Variants in ANXA2 observed in about 807,000 individuals in gnomAD.
ANXA2 encodes annexin A2, also known as annexin II.
Under a neutral mutation model 47.3 loss-of-function variants are expected in ANXA2, and 28 were observed. That is an observed-to-expected ratio of 0.59 (90% confidence interval 0.44 to 0.81). The LOEUF (loss-of-function observed/expected upper bound fraction) is 0.81, where lower values mean the gene tolerates loss of function less well. ANXA2 is among the 40% of genes least tolerant of loss of function. ANXA2 has a pLI of 0.00. For synonymous variants in ANXA2, 172 were observed against 155.5 expected, an observed-to-expected ratio of 1.11 and a Z score of -0.79; for missense variants, 384 against 414.3, an observed-to-expected ratio of 0.93 and a Z score of 0.64.
At chr15:60,382,522 C>T (rs2062876854) in intron 2 of ANXA2, 81 bp from the exon 3 acceptor site, 1 of 1,022,042 alleles carries the variant, frequency 9.8e-7, no homozygotes, top group Non-Finnish European at 1.5e-6. Flanking sequence ...ATATGTTTTC[C>T]TATTGTTTCT....
chr15:60,362,634 T>G (rs1447411330), intron 4 of ANXA2: 1 of 152,246 alleles, frequency 6.6e-6, no homozygotes, highest in African/African-American at 2.4e-5. Context: ...CAAATTTTCT[T>G]CTTTATTTCA....
At chr15:60,354,773 C>T (rs2062402145) in intron 7 of ANXA2, among the ~76,000 whole-genome samples, 1 of 152,110 alleles carries the variant, frequency 6.6e-6, no homozygotes, top group Admixed American at 6.5e-5. Context: ...ACACACCTTA[C>T]AGAATCCCTG....
At position 60,352,728 on chromosome 15, in the gene ANXA2, T is replaced by C. The variant is rs1400354229; in HGVS notation, c.589-252A>G. Among the ~76,000 whole-genome samples, 2 of 152,180 alleles carry C rather than the reference T, an allele frequency of 1.3e-5. No individual in the cohort carries two copies. Among genetic ancestry groups the C allele is most frequent in the African/African-American group, 4.8e-5 (2 of 41,434 alleles). On this transcript the variant is annotated intron_variant, in intron 8 of 12. Transcript: ENST00000451270. The surrounding 1 kb of genome is among the most constrained non-coding windows in gnomAD (Gnocchi z 4.2). Reference sequence around the variant, plus strand: ...GAGGTCTGCTGTACAATCTCCTTCCTTGAATAAGAAAGGAGGGACCAAGAG... The same window carrying C: ...GAGGTCTGCTGTACAATCTCCTTCCCTGAATAAGAAAGGAGGGACCAAGAG...
rs1314662736 is a variant in ANXA2 at position 60,357,212 on chromosome 15, G to A, written c.382C>T (p.Leu128Phe). 1.3e-5 allele frequency: 21 copies of A among 1,614,170 alleles called. No individual in the cohort carries two copies. In the East Asian group the frequency reaches 4.0e-4, roughly 31 times the overall value. ...MKGLGTDEDS[L>F]IEIICSRTNQ... ...GTTCTGGAGCAGATGATCTCAATGA[G>A]AGAGTCCTCGTCGGTTCCCAGCCCC... Residue 128 changes from leucine to phenylalanine, a missense_variant, in exon 6 of 13, where the codon CTC becomes TTC. By Grantham distance (22) the Leu-to-Phe change is conservative. Coordinates refer to ENST00000451270, the MANE Select transcript of ANXA2 (RefSeq NM_004039.3).
chr15:60,361,111 G>A lies in ANXA2; in HGVS notation c.244-57C>T. 10 of 1,229,392 alleles carry A rather than the reference G, an allele frequency of 8.1e-6. No homozygotes were observed. In the South Asian group the frequency reaches 1.1e-4, roughly 14 times the overall value. The allele number at this position is 1,229,392 out of a possible 1,614,324, so 76.2% of individuals were successfully genotyped here. A position where few individuals can be genotyped will look rare whatever the true frequency, so the allele number is the denominator to read the frequency against. The stretch of plus-strand genomic sequence containing the variant: ...ATTTATTTTACTTTAAAACTAGTGA[G>A]TAAAACAAAAGTAAGAGGGATCTTT... On this transcript the variant is annotated intron_variant, in intron 4 of 12. Coordinates refer to ENST00000451270, the MANE Select transcript of ANXA2 (RefSeq NM_004039.3).
chr15:60,355,633 G>A, intron 7 of ANXA2: 1 of 488,780 alleles, frequency 2.0e-6, no homozygotes, highest in Non-Finnish European at 3.7e-6. Flanking sequence ...CCTTCCCTAA[G>A]TCACACGGCC....
chr15:60,369,729 T>C (rs1288947993), intron 3 of ANXA2, among the ~76,000 whole-genome samples: 1 of 152,194 alleles, frequency 6.6e-6, no homozygotes, highest in Admixed American at 6.5e-5. Context: ...TAATTCCTTA[T>C]TTGAGAATCA....
intron 3 of ANXA2, among the ~76,000 whole-genome samples, chr15:60,373,562 C>G (rs1055467681): frequency 6.6e-6 from 1 of 152,180 alleles, no homozygotes; most frequent in East Asian, 1.9e-4. Flanking sequence ...GTCTCCAGAG[C>G]GTCTCTCATC....
At chr15:60,356,349 GCACACACA>G (rs141256072) in intron 6 of ANXA2, among the ~76,000 whole-genome samples, 1 of 150,616 alleles carries the variant, frequency 6.6e-6, no homozygotes, top group Admixed American at 6.6e-5. Flanking sequence ...GTCTACACAC[GCACACACA>G]CACACACAAT....
chr15:60,385,753 A>G (rs1438814890), intron 2 of ANXA2: 2 of 367,010 alleles, frequency 5.4e-6, no homozygotes, highest in African/African-American at 4.1e-5. Flanking sequence ...ATTACCAATG[A>G]CATGCTAAGT....
Position 60,357,141 on chromosome 15 carries a change from C to T in ANXA2, c.448+5G>A. On this transcript the variant is annotated splice_donor_5th_base_variant and intron_variant, in intron 6 of 12. Transcript: ENST00000451270. ...AGGATGAATCACAGAAATCAAGCTA[C>T]TCACTTTCCTTGTAGACTCTGTTAA... 1.9e-6 allele frequency: 3 copies of T among 1,613,370 alleles called. No individual in the cohort carries two copies. Among genetic ancestry groups the T allele is most frequent in the South Asian group, 1.1e-5 (1 of 91,056 alleles).
Position 60,397,252 on chromosome 15 carries a change from C to T in ANXA2, c.-12+691G>A, listed in dbSNP as rs147092449. 2,142 of 984,520 alleles carry T rather than the reference C, an allele frequency of 2.2e-3. 31 individuals are homozygous for T. The African/African-American group carries it at 0.031, about 14-fold the overall frequency. 61.0% of individuals were successfully genotyped at this position (984,520 alleles called of 1,614,324 possible). ...ACCCTCCCCACAGAATCATGGGGGA[C>T]ACTACCTTCCTGAGGCCAATGTGTT... is the stretch of plus-strand genomic sequence containing the variant. On this transcript the variant is annotated intron_variant, in intron 1 of 12. Coordinates refer to ENST00000451270, the MANE Select transcript of ANXA2 (RefSeq NM_004039.3).
rs1043564510 is a variant in ANXA2 at position 60,349,052 on chromosome 15, C to G, written c.960+23G>C. On this transcript the variant is annotated intron_variant, in intron 12 of 12. Transcript: ENST00000451270. ...GGGGTGCTCTGGACGGCAGGGCAGG[C>G]TGACACTGCACCTCGGGCTTACCTG... The G allele has an allele frequency of 6.2e-6, 10 of 1,613,594 alleles. No homozygotes were observed. In the African/African-American group the frequency reaches 1.1e-4, roughly 17 times the overall value.
At chr15:60,351,089 T>A in intron 11 of ANXA2, 104 bp downstream of exon 11, 1 of 1,174,362 alleles carries the variant, frequency 8.5e-7, no homozygotes, top group Non-Finnish European at 1.3e-6. Flanking sequence ...ATCCACACAG[T>A]GGGGTCCCCT....
chr15:60,374,311 T>C (rs1432062558), intron 3 of ANXA2: 5 of 371,494 alleles, frequency 1.3e-5, no homozygotes, highest in African/African-American at 1.1e-4. Flanking sequence ...TGCTCAAGAT[T>C]CAAATCAAAT....
intron 5 of ANXA2, among the ~76,000 whole-genome samples, chr15:60,358,157 C>A (rs568179570): frequency 2.0e-5 from 3 of 152,272 alleles, no homozygotes; most frequent in African/African-American, 7.2e-5. Flanking sequence ...GATAATTATG[C>A]ACTCTTCAGG....
chr15:60,359,100 C>T (rs1232411168), intron 5 of ANXA2, among the ~76,000 whole-genome samples: 2 of 152,102 alleles, frequency 1.3e-5, no homozygotes, highest in Non-Finnish European at 2.9e-5. Flanking sequence ...AAGCATAGTT[C>T]AGTTAATGTC....
At chr15:60,367,589 G>T (rs1372997362) in intron 3 of ANXA2, among the ~76,000 whole-genome samples, 4 of 69,888 alleles carry the variant, frequency 5.7e-5, no homozygotes, top group Non-Finnish European at 2.7e-5. Flanking sequence ...CGCCCGGCCA[G>T]CCGCCCTATC....
intron 3 of ANXA2, among the ~76,000 whole-genome samples, chr15:60,380,123 GATGTGTATGTGC>G (rs1196830576): frequency 1.3e-5 from 2 of 152,190 alleles, no homozygotes; most frequent in Non-Finnish European, 2.9e-5. Context: ...AAACCACATG[GATGTGTATGTGC>G]ATGTGTGTGT....
Sources: allele counts gnomAD v4.1 joint callset (sites outside exome capture counted in the v4.1 genomes callset), GRCh38; gene constraint gnomAD v4.1.1; non-coding constraint Gnocchi (gnomAD v3.1); transcripts MANE v1.5; gene names NCBI Gene and HGNC (gene_info 2026-07-23, HGNC 2026-07-21).